Variants in PLD1 observed in about 807,000 individuals in gnomAD.
PLD1 encodes the protein phospholipase D1.
A neutral mutation model predicts 137.1 loss-of-function variants in PLD1; 112 were observed. The observed-to-expected ratio is 0.82, with a 90% CI of 0.70 to 0.96. The LOEUF is 0.96. Ranked by LOEUF, PLD1 falls within the 40% of genes least tolerant of loss-of-function variation. The pLI, the probability that PLD1 is intolerant of heterozygous loss-of-function variation, is 0.00. For synonymous variants in PLD1, 431 were observed against 454.7 expected (o/e 0.95, Z 0.66); for missense variants, 1,321 against 1,342.0 (o/e 0.98, Z 0.24).
intron 14 of PLD1, 117 bp downstream of exon 14, chr3:171,688,559 T>G (rs1417751133): frequency 4.9e-6 from 4 of 813,966 alleles, no homozygotes; most frequent in Non-Finnish European, 8.1e-6. Flanking sequence ...AAATGTTCTT[T>G]TCCCCTCCAA....
At chr3:171,611,596 A>G (rs1405775466) in intron 25 of PLD1, 1 of 518,876 alleles carries the variant, frequency 1.9e-6, no homozygotes, top group East Asian at 5.4e-5. Context: ...TCTTCTTGCC[A>G]AAGATCAGGG....
At chr3:171,648,700 G>A (rs1422701401) in intron 21 of PLD1, among the ~76,000 whole-genome samples, 5 of 151,894 alleles carry the variant, frequency 3.3e-5, no homozygotes, top group African/African-American at 1.2e-4. Flanking sequence ...CGCTACAATC[G>A]TCTGCCACCA....
At chr3:171,805,250 C>A (rs1578490346) in intron 1 of PLD1, among the ~76,000 whole-genome samples, 1 of 152,102 alleles carries the variant, frequency 6.6e-6, no homozygotes, top group Non-Finnish European at 1.5e-5. Context: ...TGATTGAGTA[C>A]AGAATAAAAT....
chr3:171,757,836 T>G lies in PLD1; in HGVS notation c.-31-19754A>C, dbSNP rs553335114. 4.6e-4 allele frequency among the ~76,000 whole-genome samples: 70 copies of G among 152,340 alleles called. No individual in the cohort carries two copies. The Middle Eastern group carries it at 0.01, about 22-fold the overall frequency. On this transcript the variant is annotated intron_variant, in intron 1 of 26. Coordinates refer to ENST00000351298, the MANE Select transcript of PLD1 (RefSeq NM_002662.5). ...TCACTTGGTCTTAAAAGTCAGAACATGTTCAATTCACTGATTCAGCACATG... is the reference window on the plus strand; with the variant it reads ...TCACTTGGTCTTAAAAGTCAGAACAGGTTCAATTCACTGATTCAGCACATG...
rs1012451664 is a variant in PLD1, at chr3:171,799,866, C to T, written c.-32+10533G>A. Among the ~76,000 whole-genome samples the T allele has an allele frequency of 5.9e-5, 9 of 151,798 alleles. No individual in the cohort carries two copies. The East Asian group carries it at 1.7e-3, about 29-fold the overall frequency. ...AAAATCCCAACTGAGGGACATTCTACAGAATACCTAACCAGTACCCCTCAA... is the reference window on the plus strand; with the variant it reads ...AAAATCCCAACTGAGGGACATTCTATAGAATACCTAACCAGTACCCCTCAA... On this transcript the variant is annotated intron_variant, in intron 1 of 26. Transcript: ENST00000351298.
chr3:171,660,606 AT>A (rs538682204), intron 20 of PLD1, among the ~76,000 whole-genome samples: 69 of 143,668 alleles, frequency 4.8e-4, no homozygotes, highest in African/African-American at 1.9e-3. Context: ...TTTATTTTTT[AT>A]TTTTTTTATT....
chr3:171,767,393 A>G (rs1722054349), intron 1 of PLD1, among the ~76,000 whole-genome samples: 2 of 152,186 alleles, frequency 1.3e-5, no homozygotes, highest in African/African-American at 2.4e-5. Flanking sequence ...AAGGACACCA[A>G]TGGCTTGCCT....
intron 1 of PLD1, among the ~76,000 whole-genome samples, chr3:171,778,984 T>A (rs951952166): frequency 6.6e-6 from 1 of 152,012 alleles, no homozygotes; most frequent in Non-Finnish European, 1.5e-5. Flanking sequence ...GGTCAGGAGT[T>A]CAAGACCAGC....
chr3:171,651,624 C>T (rs1232328015), intron 21 of PLD1, among the ~76,000 whole-genome samples: 4 of 152,134 alleles, frequency 2.6e-5, no homozygotes, highest in African/African-American at 9.7e-5. Context: ...CACAAACACA[C>T]ATCAGTTTTC....
chr3:171,617,785 G>A (rs531712781), intron 24 of PLD1, among the ~76,000 whole-genome samples: 1 of 152,248 alleles, frequency 6.6e-6, no homozygotes, highest in African/African-American at 2.4e-5. Flanking sequence ...GGAGTAAAAT[G>A]AAGATAAATG....
chr3:171,725,896 C>T (rs759630808), intron 7 of PLD1, 122 bp downstream of exon 7: 13 of 702,654 alleles, frequency 1.9e-5, no homozygotes, highest in Non-Finnish European at 3.1e-5. Flanking sequence ...GCTCTAACTA[C>T]TGGGGAGAAG....
chr3:171,641,422 T>G (rs961836890), intron 23 of PLD1, among the ~76,000 whole-genome samples: 3 of 152,200 alleles, frequency 2.0e-5, no homozygotes, highest in Admixed American at 2.0e-4. Context: ...TTCTTACTTT[T>G]AAGCTAAAAA....
intron 25 of PLD1, among the ~76,000 whole-genome samples, chr3:171,610,858 TA>T (rs11338168): frequency 0.07 from 10,586 of 152,232 alleles, 1,055 homozygotes; most frequent in African/African-American, 0.22. Flanking sequence ...TAAAAGTTGT[TA>T]GAAGGTATTG....
Position 171,687,537 on chromosome 3 carries a change from A to T in PLD1, c.1587T>A (p.Asn529Lys). The T allele has an allele frequency of 1.9e-6, 3 of 1,614,092 alleles. No individual in the cohort carries two copies. The highest frequency in any genetic ancestry group is 1.7e-6 in the Non-Finnish European group (2 of 1,179,984). ...SMESLRLKDK[N>K]EPVQNLPIQK... Reference sequence around the variant, plus strand: ...GGATGGGTAGGTTTTGAACAGGCTCATTTTTATCTTTGAGTCTTAAGGATT... The same window carrying T: ...GGATGGGTAGGTTTTGAACAGGCTCTTTTTTATCTTTGAGTCTTAAGGATT... The change falls in exon 15 of 27, where the codon AAT (asparagine) becomes AAA (lysine). Residue 529 changes from asparagine (N) to lysine (K), a missense_variant. Asn to Lys is a moderately conservative substitution (Grantham distance 94). Coordinates refer to ENST00000351298, the MANE Select transcript of PLD1 (RefSeq NM_002662.5).
At chr3:171,680,360 G>A (rs1713855268) in intron 16 of PLD1, among the ~76,000 whole-genome samples, 1 of 138,268 alleles carries the variant, frequency 7.2e-6, no homozygotes, top group Non-Finnish European at 1.5e-5. Flanking sequence ...TCAGCCTCCC[G>A]AGTAGCTGGG....
In PLD1 at chr3:171,673,011, T is replaced by C. The variant is rs888927360; in HGVS notation, c.2229+1489A>G. On this transcript the variant is annotated intron_variant, in intron 19 of 26. Coordinates refer to ENST00000351298, the MANE Select transcript of PLD1 (RefSeq NM_002662.5). ...GCAATCCATTTTCAACAGATACTTA[T>C]TAACATCAGCTAACTTTGAAAAATT... 3.9e-5 allele frequency among the ~76,000 whole-genome samples: 6 copies of C among 152,170 alleles called. No individual in the cohort carries two copies. The East Asian group carries it at 7.7e-4, about 19-fold the overall frequency.
intron 11 of PLD1, among the ~76,000 whole-genome samples, chr3:171,701,716 C>T (rs1342607786): frequency 6.6e-6 from 1 of 152,180 alleles, no homozygotes; most frequent in East Asian, 1.9e-4. Flanking sequence ...GCAGCTATAA[C>T]TTACCAAGCA....
At chr3:171,790,812 C>T (rs562001334) in intron 1 of PLD1, among the ~76,000 whole-genome samples, 8 of 152,322 alleles carry the variant, frequency 5.3e-5, no homozygotes, top group Middle Eastern at 3.4e-3. Flanking sequence ...CAGCTCCCAA[C>T]GGACTACTTC....
chr3:171,685,112 T>C (rs928397637), intron 16 of PLD1, among the ~76,000 whole-genome samples: 4 of 152,186 alleles, frequency 2.6e-5, no homozygotes, highest in Non-Finnish European at 5.9e-5. Context: ...TCTTAAACAT[T>C]GTAATTTTTT....
Sources: gnomAD v4.1 joint callset for allele counts (sites outside exome capture counted in the v4.1 genomes callset) on GRCh38, gnomAD v4.1.1 for gene constraint, MANE v1.5 for transcripts, NCBI Gene and HGNC (gene_info 2026-07-23, HGNC 2026-07-21) for gene names.